Variants in TRAPPC11 observed in about 807,000 individuals in gnomAD.
TRAPPC11 encodes the protein foie gras homolog.
Under a neutral mutation model 151.2 loss-of-function variants are expected in TRAPPC11, and 104 were observed. That is an observed-to-expected ratio of 0.69 (90% CI 0.59 to 0.81). The LOEUF (loss-of-function observed/expected upper bound fraction) is 0.81, where lower values mean the gene tolerates loss of function less well. Ranked by LOEUF, TRAPPC11 falls within the 30% of genes least tolerant of loss-of-function variation. The probability of loss-of-function intolerance (pLI) is 0.00; values close to 1 mark genes in which losing one functional copy is unlikely to be tolerated. For missense variants in TRAPPC11, 1,230 were observed against 1,349.6 expected (o/e 0.91, Z 1.39); for synonymous variants, 456 against 472.3 (o/e 0.97, Z 0.45).
intron 26 of TRAPPC11, among the ~76,000 whole-genome samples, chr4:183,703,830 AAC>A (rs1250439603): frequency 6.6e-6 from 1 of 152,222 alleles, no homozygotes; most frequent in Non-Finnish European, 1.5e-5. Flanking sequence ...GAAAATATTT[AAC>A]AGTTTCATAA....
At chr4:183,661,487 T>C (rs1381246933) in intron 1 of TRAPPC11, among the ~76,000 whole-genome samples, 3 of 146,140 alleles carry the variant, frequency 2.1e-5, no homozygotes, top group African/African-American at 5.0e-5. Context: ...TTCTCCTGCC[T>C]CAGCCTCCCG....
chr4:183,707,525 T>C (rs1737134567), intron 28 of TRAPPC11, among the ~76,000 whole-genome samples: 1 of 152,198 alleles, frequency 6.6e-6, no homozygotes, highest in Non-Finnish European at 1.5e-5. Flanking sequence ...GTGAGAGTCC[T>C]GTCCTCCACT....
At chr4:183,696,800 GT>G (rs1378885419) in intron 23 of TRAPPC11, among the ~76,000 whole-genome samples, 1 of 152,154 alleles carries the variant, frequency 6.6e-6, no homozygotes, top group Admixed American at 6.5e-5. Flanking sequence ...AATAGCACTT[GT>G]TTCCTTGTGT....
intron 2 of TRAPPC11, among the ~76,000 whole-genome samples, chr4:183,665,270 A>G (rs1293947717): frequency 2.0e-5 from 3 of 151,392 alleles, no homozygotes; most frequent in East Asian, 1.9e-4. Flanking sequence ...AATTTTCTGT[A>G]TTTTTAGTAG....
At chr4:183,711,836 A>G (rs1229786705) in intron 29 of TRAPPC11, among the ~76,000 whole-genome samples, 1 of 152,238 alleles carries the variant, frequency 6.6e-6, no homozygotes, top group Non-Finnish European at 1.5e-5. Context: ...CTGCTATTGT[A>G]TATCTGTATA....
At chr4:183,695,560 T>C (rs116417602) in intron 23 of TRAPPC11, among the ~76,000 whole-genome samples, 2,248 of 152,280 alleles carry the variant, frequency 0.015, 53 homozygotes, top group African/African-American at 0.052. Flanking sequence ...ATAGATTCAA[T>C]TGTGCTGTAT....
At chr4:183,691,180 A>G in intron 18 of TRAPPC11, 136 bp from the exon 19 acceptor site, 1 of 619,796 alleles carries the variant, frequency 1.6e-6, no homozygotes, top group Non-Finnish European at 2.5e-6. Context: ...ATTTGGCATA[A>G]AAAATACTTC....
intron 29 of TRAPPC11, 138 bp from the exon 30 acceptor site, chr4:183,712,462 A>ATTT: frequency 1.1e-6 from 1 of 876,284 alleles, no homozygotes; most frequent in Non-Finnish European, 1.8e-6. Flanking sequence ...CCATATCACC[A>ATTT]TTTTTATTTT....
At chr4:183,682,955 T>C in intron 11 of TRAPPC11, 130 bp downstream of exon 11, 1 of 666,144 alleles carries the variant, frequency 1.5e-6, no homozygotes, top group Non-Finnish European at 2.6e-6. Flanking sequence ...TTAAACATTG[T>C]TTTTGTTTTT....
Position 183,697,714 on chromosome 4 carries a change from C to T in TRAPPC11, c.2730C>T (p.Pro910=), listed in dbSNP as rs776835332. 2 of 1,614,064 alleles carry T rather than the reference C, an allele frequency of 1.2e-6. No homozygotes were observed. The highest frequency in any genetic ancestry group is 1.3e-5 in the African/African-American group (1 of 74,914). The part of the protein sequence containing the change: ...EHLERVYADI[P]FLLMTDLLSA... ...TGGAAAGGGTTTATGCTGACATCCC[C>T]TTTCTGTTGATGACGGACCTCTTAA... Residue 910 remains proline (P), a synonymous_variant, in exon 25 of 30, where the codon CCC becomes CCT. Coordinates refer to ENST00000334690, the MANE Select transcript of TRAPPC11 (RefSeq NM_021942.6).
At chr4:183,661,419 T>A (rs1253732105) in intron 1 of TRAPPC11, among the ~76,000 whole-genome samples, 1 of 135,926 alleles carries the variant, frequency 7.4e-6, no homozygotes, top group East Asian at 2.4e-4. Flanking sequence ...TCGCCCAGGC[T>A]GGAGTGCAGT....
rs1375382372 is a variant in TRAPPC11 at position 183,693,635 on chromosome 4, C to A, written c.2284C>A (p.Pro762Thr). The change falls in exon 21 of 30, where the codon CCC becomes ACC. Residue 762 changes from proline (P) to threonine (T), a missense_variant. Pro to Thr is a conservative substitution (Grantham distance 38). Transcript: ENST00000334690. Reference sequence around the variant, plus strand: ...CATTTCTGTACATCTGCTACATGAACCCCCTGCACTGACTAATGAAATGTA... The same window carrying A: ...CATTTCTGTACATCTGCTACATGAAACCCCTGCACTGACTAATGAAATGTA... Reference protein sequence around the residue: ...PNISVHLLHEPPALTNEMYCL... With the variant: ...PNISVHLLHETPALTNEMYCL... 6.2e-7 allele frequency: 1 copy of A among 1,614,016 alleles called. No homozygotes were observed. The highest frequency in any genetic ancestry group is 1.7e-5 in the Admixed American group (1 of 60,000).
rs148500449 is a variant in TRAPPC11, at chr4:183,676,380, C to T, written c.735-1078C>T. Among the ~76,000 whole-genome samples the T allele has an allele frequency of 6.8e-4, 104 of 152,260 alleles. 1 individual carries two copies. The East Asian group carries it at 0.019, about 27-fold the overall frequency. ...GGCCATGCTGGTCTCGAACTCCTGA[C>T]CTCAGGTGATCCACCCACCTTGGCC... On this transcript the variant is annotated intron_variant, in intron 7 of 29. Coordinates refer to ENST00000334690, the MANE Select transcript of TRAPPC11 (RefSeq NM_021942.6).
rs1444020376 is a variant in TRAPPC11 at position 183,713,167 on chromosome 4, C to A, written c.*523C>A. The A allele has an allele frequency of 6.6e-6, 1 of 151,212 alleles. No individual in the cohort carries two copies. Among genetic ancestry groups the A allele is most frequent in the Non-Finnish European group, 1.5e-5 (1 of 68,258 alleles). 9.4% of individuals were successfully genotyped at this position (151,212 alleles called of 1,614,324 possible). On this transcript the variant is annotated 3_prime_UTR_variant, in exon 30 of 30. Transcript: ENST00000334690. ...AACTTCCAGAAAGTTTTAATCAAAG[C>A]AGTTTAATTAAGGTATCAAAAATAT...
chr4:183,687,589 A>G (rs1736049018), intron 18 of TRAPPC11, among the ~76,000 whole-genome samples: 1 of 152,252 alleles, frequency 6.6e-6, no homozygotes, highest in Admixed American at 6.5e-5. Context: ...TCAGCCTCCC[A>G]AAGTGCTAGG....
At chr4:183,668,559 T>C (rs1464728128) in intron 5 of TRAPPC11, among the ~76,000 whole-genome samples, 1 of 152,244 alleles carries the variant, frequency 6.6e-6, no homozygotes, top group East Asian at 1.9e-4. Context: ...ACCCATGTCC[T>C]TGAGTGACAT....
intron 18 of TRAPPC11, among the ~76,000 whole-genome samples, chr4:183,689,312 T>A (rs1405342450): frequency 6.6e-6 from 1 of 151,040 alleles, no homozygotes; most frequent in Admixed American, 6.6e-5. Flanking sequence ...GGACAGGAGG[T>A]TTTGTACATG....
At chr4:183,683,435 A>T (rs1189001064) in intron 11 of TRAPPC11, among the ~76,000 whole-genome samples, 4 of 151,978 alleles carry the variant, frequency 2.6e-5, no homozygotes, top group Non-Finnish European at 5.9e-5. Context: ...CCAAGGTGGG[A>T]GGATTGCTTG....
intron 25 of TRAPPC11, 83 bp downstream of exon 25, chr4:183,697,918 G>A (rs1311198342): frequency 7.4e-7 from 1 of 1,346,046 alleles, no homozygotes. Flanking sequence ...CAATGGAAGA[G>A]TTAATTAGCT....
Sources: allele counts gnomAD v4.1 joint callset (sites outside exome capture counted in the v4.1 genomes callset), GRCh38; gene constraint gnomAD v4.1.1; transcripts MANE v1.5; gene names NCBI Gene and HGNC (gene_info 2026-07-23, HGNC 2026-07-21).